Variants in SPAG16 observed in about 807,000 individuals in gnomAD.
SPAG16 encodes the protein sperm-associated antigen 16 protein.
Under a neutral mutation model 80.4 loss-of-function variants are expected in SPAG16, and 86 were observed. That is an observed-to-expected ratio of 1.07 (90% CI 0.90 to 1.28). The LOEUF (loss-of-function observed/expected upper bound fraction) is 1.28, where lower values mean the gene tolerates loss of function less well. Ranked by LOEUF, SPAG16 falls within the 50% of genes most tolerant of loss-of-function variation. The pLI is 0.00. For missense variants in SPAG16, 870 were observed against 765.3 expected, an observed-to-expected ratio of 1.14 and a Z score of -1.61; for synonymous variants, 294 against 265.9, an observed-to-expected ratio of 1.11 and a Z score of -1.03.
intron 15 of SPAG16, among the ~76,000 whole-genome samples, chr2:214,295,274 C>T (rs1420871780): frequency 6.6e-6 from 1 of 152,186 alleles, no homozygotes; most frequent in African/African-American, 2.4e-5. Flanking sequence ...TTATCAATGC[C>T]TGCTTTGTTA....
chr2:213,956,236 A>G (rs900790324), intron 12 of SPAG16, among the ~76,000 whole-genome samples: 4 of 152,008 alleles, frequency 2.6e-5, no homozygotes, highest in East Asian at 1.9e-4. Context: ...GATTACAGGC[A>G]TAAGCCACCA....
intron 3 of SPAG16, among the ~76,000 whole-genome samples, chr2:213,304,688 A>G (rs1023527565): frequency 6.6e-6 from 1 of 152,132 alleles, no homozygotes; most frequent in African/African-American, 2.4e-5. Context: ...AGTTCACTGT[A>G]GACGTATGGA....
intron 10 of SPAG16, among the ~76,000 whole-genome samples, chr2:213,789,926 C>G (rs2125604963): frequency 6.6e-6 from 1 of 152,014 alleles, no homozygotes; most frequent in African/African-American, 2.4e-5. Flanking sequence ...TATTTTGAGT[C>G]AAAACTGTGG....
chr2:213,478,122 G>A (rs952726070), intron 9 of SPAG16, among the ~76,000 whole-genome samples: 1 of 152,164 alleles, frequency 6.6e-6, no homozygotes, highest in Non-Finnish European at 1.5e-5. Flanking sequence ...TGTCTGCCAT[G>A]ATAGTAAGTT....
chr2:213,343,828 G>A (rs558608448), intron 6 of SPAG16, among the ~76,000 whole-genome samples: 16 of 151,834 alleles, frequency 1.1e-4, no homozygotes, highest in Non-Finnish European at 1.6e-4. Flanking sequence ...AAATGAGCAG[G>A]GACTCAAAGA....
chr2:214,175,208 T>TAC (rs2057028989), intron 15 of SPAG16, among the ~76,000 whole-genome samples: 1 of 130,672 alleles, frequency 7.7e-6, no homozygotes, highest in African/African-American at 2.5e-5. Flanking sequence ...TATATATATA[T>TAC]ATAAAGAAAT....
At chr2:214,258,979 G>A (rs868348411) in intron 15 of SPAG16, among the ~76,000 whole-genome samples, 12 of 151,840 alleles carry the variant, frequency 7.9e-5, no homozygotes, top group Middle Eastern at 3.4e-3. Context: ...AATTATCATA[G>A]TTATCTTAGA....
chr2:213,288,783 A>C (rs578205046), intron 1 of SPAG16, among the ~76,000 whole-genome samples: 1 of 152,228 alleles, frequency 6.6e-6, no homozygotes, highest in South Asian at 2.1e-4. Flanking sequence ...TCTGTTATAA[A>C]ATGGTACTTC....
At chr2:214,376,977 T>C (rs767138001) in intron 15 of SPAG16, among the ~76,000 whole-genome samples, 28 of 152,176 alleles carry the variant, frequency 1.8e-4, no homozygotes, top group Non-Finnish European at 2.2e-4. Context: ...CCATACATGG[T>C]GCCATTCCCA....
chr2:213,452,065 T>C (rs1047946241), intron 9 of SPAG16, among the ~76,000 whole-genome samples: 2 of 152,160 alleles, frequency 1.3e-5, no homozygotes, highest in African/African-American at 4.8e-5. Flanking sequence ...TGGGGCCTAT[T>C]GTTTGTATGT....
intron 9 of SPAG16, among the ~76,000 whole-genome samples, chr2:213,382,105 G>T (rs1157108726): frequency 6.6e-6 from 1 of 151,996 alleles, no homozygotes; most frequent in Admixed American, 6.6e-5. Context: ...TCACAAAGCC[G>T]TAGGTATAGT....
chr2:213,895,849 C>T lies in SPAG16; in HGVS notation c.1214+33221C>T, dbSNP rs527715903. On this transcript the variant is annotated intron_variant, in intron 11 of 15. Transcript: ENST00000331683. ...GCTAGAAGAAAGCATTGGGTAAGCA[C>T]CCCAGGACATTGGTCTGGACAAAGA... is the stretch of plus-strand genomic sequence containing the variant. Among the ~76,000 whole-genome samples, 3 of 152,146 alleles carry T rather than the reference C, an allele frequency of 2.0e-5. No individual in the cohort carries two copies. The South Asian group carries it at 6.2e-4, about 32-fold the overall frequency.
intron 15 of SPAG16, among the ~76,000 whole-genome samples, chr2:214,214,138 C>T (rs752116648): frequency 1.3e-5 from 2 of 151,620 alleles, no homozygotes; most frequent in Non-Finnish European, 2.9e-5. Flanking sequence ...GTCATTCATA[C>T]ATACTGTTCC....
At chr2:213,292,986 C>T (rs1362859167) in intron 1 of SPAG16, among the ~76,000 whole-genome samples, 1 of 152,150 alleles carries the variant, frequency 6.6e-6, no homozygotes, top group African/African-American at 2.4e-5. Context: ...TATGGTTTGG[C>T]TCTGTGTCCC....
intron 10 of SPAG16, among the ~76,000 whole-genome samples, chr2:213,840,398 CT>C (rs887006748): frequency 7.9e-5 from 12 of 152,150 alleles, no homozygotes; most frequent in African/African-American, 2.9e-4. Flanking sequence ...AACTTTCCCC[CT>C]CCCACAATCT....
intron 10 of SPAG16, among the ~76,000 whole-genome samples, chr2:213,650,702 C>T (rs1403052894): frequency 6.6e-6 from 1 of 152,158 alleles, no homozygotes; most frequent in African/African-American, 2.4e-5. Flanking sequence ...TCCATTTTCT[C>T]AGCAGTGGTC....
intron 15 of SPAG16, among the ~76,000 whole-genome samples, chr2:214,186,749 T>C (rs1043070890): frequency 1.3e-5 from 2 of 151,706 alleles, no homozygotes; most frequent in African/African-American, 4.8e-5. Flanking sequence ...ATGCAAGTAG[T>C]TGTTTTTTTG....
chr2:213,746,160 A>C (rs2067811997), intron 10 of SPAG16, among the ~76,000 whole-genome samples: 1 of 152,212 alleles, frequency 6.6e-6, no homozygotes, highest in South Asian at 2.1e-4. Flanking sequence ...ATTACTTGAA[A>C]CCAAATATGT....
intron 9 of SPAG16, among the ~76,000 whole-genome samples, chr2:213,407,629 G>C (rs866766845): frequency 0.024 from 1,859 of 77,260 alleles, 37 homozygotes; most frequent in Middle Eastern, 0.075. Context: ...GAGAGAGAGA[G>C]AGAGAGAGAG....
Sources: allele counts gnomAD v4.1 joint callset (sites outside exome capture counted in the v4.1 genomes callset), GRCh38; gene constraint gnomAD v4.1.1; transcripts MANE v1.5; gene names NCBI Gene and HGNC (gene_info 2026-07-23, HGNC 2026-07-21).